ASTN2: variants seen among roughly 807,000 people sequenced by gnomAD.
ASTN2 encodes astrotactin 2.
In ASTN2, 54 loss-of-function variants were observed where a neutral mutation model predicts 139.8. That is an observed-to-expected ratio of 0.39 (90% confidence interval 0.31 to 0.48). The LOEUF (loss-of-function observed/expected upper bound fraction) is 0.48. Among genes scored for constraint, ASTN2 ranks in the 20% least tolerant of loss-of-function variants. The probability of loss-of-function intolerance (pLI) is 0.95; values close to 1 mark genes in which losing one functional copy is unlikely to be tolerated. For missense variants in ASTN2, 1,565 were observed against 1,725.1 expected (o/e 0.91, Z 1.64); for synonymous variants, 756 against 719.5 (o/e 1.05, Z -0.81).
At chr9:117,309,768 T>C (rs961711899) in intron 1 of ASTN2, among the ~76,000 whole-genome samples, 1 of 151,990 alleles carries the variant, frequency 6.6e-6, no homozygotes, top group Non-Finnish European at 1.5e-5. Context: ...CAGCTGGGTG[T>C]AGAGGATTAG....
chr9:116,595,332 C>CTGTTGTTGT (rs60542068), intron 19 of ASTN2, among the ~76,000 whole-genome samples: 1 of 151,390 alleles, frequency 6.6e-6, no homozygotes, highest in Non-Finnish European at 1.5e-5. Context: ...CTTGTTGTTG[C>CTGTTGTTGT]TGTTGTTGTT....
At chr9:116,573,507 T>A (rs1853605211) in intron 19 of ASTN2, among the ~76,000 whole-genome samples, 1 of 152,200 alleles carries the variant, frequency 6.6e-6, no homozygotes, top group Admixed American at 6.5e-5. Context: ...ATATGAATAA[T>A]GGATTTTTTT....
At chr9:116,923,782 T>C (rs1477228578) in intron 10 of ASTN2, among the ~76,000 whole-genome samples, 1 of 152,206 alleles carries the variant, frequency 6.6e-6, no homozygotes, top group East Asian at 1.9e-4. Flanking sequence ...TTAATCTAAC[T>C]TCTGACCCAT....
chr9:117,366,986 G>T lies in ASTN2; in HGVS notation c.442+47511C>A, dbSNP rs558926676. Among the ~76,000 whole-genome samples, 4 of 152,216 alleles carry T rather than the reference G, an allele frequency of 2.6e-5. No individual in the cohort carries two copies. The South Asian group carries it at 6.2e-4, about 24-fold the overall frequency. On this transcript the variant is annotated intron_variant, in intron 1 of 22. Coordinates refer to ENST00000313400, the MANE Select transcript of ASTN2 (RefSeq NM_001365068.1). ...GACAGGGTTTCACCATGTTGGTCAG[G>T]CTGATCTTGAACTCCTGACCTTGTG...
At chr9:117,190,642 C>A (rs914179760) in intron 3 of ASTN2, among the ~76,000 whole-genome samples, 1 of 152,144 alleles carries the variant, frequency 6.6e-6, no homozygotes, top group Admixed American at 6.5e-5. Flanking sequence ...GTGCTCCAAT[C>A]ACACTGGTGC....
At chr9:116,449,271 T>G (rs1260839179) in intron 20 of ASTN2, among the ~76,000 whole-genome samples, 1 of 152,036 alleles carries the variant, frequency 6.6e-6, no homozygotes, top group Non-Finnish European at 1.5e-5. Context: ...CTGTGCATGG[T>G]GGTACACACT....
At chr9:117,156,400 A>G (rs1426410941) in intron 3 of ASTN2, among the ~76,000 whole-genome samples, 1 of 152,060 alleles carries the variant, frequency 6.6e-6, no homozygotes, top group Non-Finnish European at 1.5e-5. Flanking sequence ...CAACTTTGGC[A>G]CTATTGACAT....
chr9:117,122,203 C>T (rs183730389), intron 4 of ASTN2, among the ~76,000 whole-genome samples: 8 of 152,272 alleles, frequency 5.3e-5, no homozygotes. Flanking sequence ...TTCAGGTATG[C>T]TATTGGATGC....
chr9:117,248,688 C>G (rs1833453158), intron 2 of ASTN2, among the ~76,000 whole-genome samples: 2 of 152,218 alleles, frequency 1.3e-5, no homozygotes, highest in Non-Finnish European at 2.9e-5. Flanking sequence ...TCTGTAGTTT[C>G]TGCACAGTTT....
chr9:117,269,178 C>T lies in ASTN2; in HGVS notation c.630+22148G>A, dbSNP rs572638222. 4.6e-5 allele frequency among the ~76,000 whole-genome samples: 7 copies of T among 152,272 alleles called. No individual in the cohort carries two copies. The South Asian group carries it at 1.5e-3, about 32-fold the overall frequency. ...TCATTATGGAGGCCAAATTAAGAAT[C>T]CAAGGTGCTTACATTTCAGCAAAAG... On this transcript the variant is annotated intron_variant, in intron 2 of 22. Transcript: ENST00000313400.
chr9:117,323,207 G>C (rs1828391497), intron 1 of ASTN2, among the ~76,000 whole-genome samples: 1 of 151,974 alleles, frequency 6.6e-6, no homozygotes, highest in Non-Finnish European at 1.5e-5. Context: ...ACCATGAAAA[G>C]AACAATTTCT....
chr9:117,153,971 G>T (rs1333613498), intron 3 of ASTN2, among the ~76,000 whole-genome samples: 1 of 152,096 alleles, frequency 6.6e-6, no homozygotes, highest in Non-Finnish European at 1.5e-5. Context: ...TGGGAATGGG[G>T]ATGAGGAGAG....
At chr9:116,854,998 G>A (rs913634346) in intron 11 of ASTN2, among the ~76,000 whole-genome samples, 3 of 151,762 alleles carry the variant, frequency 2.0e-5, no homozygotes, top group African/African-American at 4.9e-5. Context: ...GAATCAAAGG[G>A]TAAAACCCAT....
chr9:117,097,470 G>T (rs1157124208), intron 4 of ASTN2, among the ~76,000 whole-genome samples: 1 of 152,152 alleles, frequency 6.6e-6, no homozygotes, highest in East Asian at 1.9e-4. Context: ...GATGTTGGGG[G>T]TGAGTAGATG....
At chr9:116,493,268 T>C (rs1259050181) in intron 19 of ASTN2, among the ~76,000 whole-genome samples, 1 of 152,184 alleles carries the variant, frequency 6.6e-6, no homozygotes, top group Non-Finnish European at 1.5e-5. Context: ...TAGGGGCTTA[T>C]GGTAGAACCC....
At chr9:116,709,516 G>A (rs1828084848) in intron 16 of ASTN2, among the ~76,000 whole-genome samples, 1 of 152,148 alleles carries the variant, frequency 6.6e-6, no homozygotes, top group African/African-American at 2.4e-5. Flanking sequence ...TGAATACCCT[G>A]ACCAACATCT....
At chr9:116,663,231 A>C (rs1858665770) in intron 16 of ASTN2, among the ~76,000 whole-genome samples, 10 of 152,194 alleles carry the variant, frequency 6.6e-5, no homozygotes, top group Admixed American at 6.5e-4. Flanking sequence ...AAAGACTCCC[A>C]GATTGTCCCA....
intron 13 of ASTN2, among the ~76,000 whole-genome samples, chr9:116,781,882 T>C (rs1830228163): frequency 6.6e-6 from 1 of 152,094 alleles, no homozygotes; most frequent in African/African-American, 2.4e-5. Flanking sequence ...TTCTTTGACA[T>C]GTGTTATTTT....
At chr9:116,775,608 A>AG (rs1830064983) in intron 13 of ASTN2, among the ~76,000 whole-genome samples, 1 of 34,872 alleles carries the variant, frequency 2.9e-5, no homozygotes, top group Non-Finnish European at 5.0e-5. Context: ...AGGGAGGGAA[A>AG]GAAGGAAGGA....
Sources: gnomAD v4.1 joint callset for allele counts (sites outside exome capture counted in the v4.1 genomes callset) on GRCh38, gnomAD v4.1.1 for gene constraint, MANE v1.5 for transcripts, NCBI Gene and HGNC (gene_info 2026-07-23, HGNC 2026-07-21) for gene names.